The following UBAP1L variants were observed in gnomAD, a reference collection of about 807,000 sequenced individuals.
UBAP1L encodes the protein ubiquitin associated protein 1 like.
Under a neutral mutation model 32.1 loss-of-function variants are expected in UBAP1L, and 32 were observed. The ratio of observed to expected loss-of-function variants is 1.00; its 90% CI spans 0.75 to 1.34. UBAP1L has a LOEUF of 1.34. Ranked by LOEUF, UBAP1L falls within the 40% of genes most tolerant of loss-of-function variation. The pLI is 0.00. For synonymous variants in UBAP1L, 243 were observed against 250.2 expected (o/e 0.97, Z 0.27); for missense variants, 516 against 540.5 (o/e 0.95, Z 0.45).
At chr15:65,109,721 A>G (rs938727005) in intron 1 of UBAP1L, among the ~76,000 whole-genome samples, 2 of 152,214 alleles carry the variant, frequency 1.3e-5, no homozygotes, top group African/African-American at 4.8e-5. Flanking sequence ...AAGTTGTTTA[A>G]CTTCATTAGT....
At chr15:65,112,745 G>A (rs905678639) in intron 1 of UBAP1L, among the ~76,000 whole-genome samples, 5 of 152,050 alleles carry the variant, frequency 3.3e-5, no homozygotes, top group Admixed American at 6.5e-5. Flanking sequence ...CAAACTCAAC[G>A]TATCAAAGTG....
chr15:65,103,609 C>T (rs567184143), intron 2 of UBAP1L, among the ~76,000 whole-genome samples: 21 of 152,310 alleles, frequency 1.4e-4, no homozygotes, highest in African/African-American at 4.8e-4. Flanking sequence ...ATCACAGGCA[C>T]AGCTCCCTCT....
chr15:65,115,025 T>C (rs1368920726), intron 1 of UBAP1L, 125 bp downstream of exon 1: 6 of 152,212 alleles, frequency 3.9e-5, no homozygotes, highest in Admixed American at 3.9e-4. Flanking sequence ...AAAAAACAAA[T>C]TTAGTTGATA....
rs1595922251 is a variant in UBAP1L at position 65,105,920 on chromosome 15, A to G, written c.120+176T>C. ...ATTCTCATGCCTCCACCTTCCGAGT[A>G]GCTGGGATTACAGGCACGCGTCACC... On this transcript the variant is annotated intron_variant, in intron 2 of 5. Transcript: ENST00000559089. 12 of 853,390 alleles carry G rather than the reference A, an allele frequency of 1.4e-5. No homozygotes were observed. The East Asian group carries it at 3.2e-4, about 23-fold the overall frequency. The allele number at this position is 853,390 out of a possible 1,614,324, so 52.9% of individuals were successfully genotyped here.
rs1566967124 is a variant in UBAP1L, at chr15:65,102,614, T to C, written c.191A>G (p.Gln64Arg). ...TGACGCTGTCCCCGGGTCACCGCAC[T>C]GGTACGGGCTGGGTCCCTGGCCGGC... ...EAAGQGPSPY[Q>R]CGDPGTASAP... The change falls in exon 3 of 6, where the codon CAG (glutamine) becomes CGG (arginine). Residue 64 changes from glutamine to arginine, a missense_variant. Gln to Arg is a conservative substitution (Grantham distance 43). Transcript: ENST00000559089. This position sits in a 1 kb window ranked among gnomAD's most constrained non-coding sequence, Gnocchi z 5.0. 1 of 1,549,396 alleles carries C rather than the reference T, an allele frequency of 6.5e-7. No homozygotes were observed. Among genetic ancestry groups the C allele is most frequent in the Admixed American group, 2.0e-5 (1 of 50,976 alleles).
rs761937299 is a variant in UBAP1L at position 65,102,293 on chromosome 15, G to C, written c.512C>G (p.Pro171Arg). ...GCGGAGGCCATGCAGGAGGGCGCGG[G>C]GCCGGGAGACCAGCTTCCCCTCGGA... ...RLSEGKLVSR[P>R]RALLHGLRGH... The change falls in exon 3 of 6, where the codon CCC becomes CGC. Residue 171 changes from proline (P) to arginine (R), a missense_variant. Pro to Arg is a moderately radical substitution (Grantham distance 103). Transcript: ENST00000559089. The surrounding 1 kb of genome is among the most constrained non-coding windows in gnomAD (Gnocchi z 5.0). 3,538 of 1,407,004 alleles carry C rather than the reference G, an allele frequency of 2.5e-3. 11 individuals carry two copies. The highest frequency in any genetic ancestry group is 2.9e-3 in the Non-Finnish European group (3,199 of 1,088,398). 87.2% of individuals were successfully genotyped at this position (1,407,004 alleles called of 1,614,324 possible).
chr15:65,099,901 G>C, intron 3 of UBAP1L, 187 bp from the exon 4 acceptor site: 1 of 545,272 alleles, frequency 1.8e-6, no homozygotes, highest in East Asian at 3.0e-5. Context: ...TATGAAAAAT[G>C]AGGGCAATCC....
chr15:65,112,181 C>T (rs1366000845), intron 1 of UBAP1L, among the ~76,000 whole-genome samples: 5 of 152,068 alleles, frequency 3.3e-5, no homozygotes, highest in Non-Finnish European at 5.9e-5. Flanking sequence ...GAAAGAACAG[C>T]CTGTGAGCAA....
intron 4 of UBAP1L, 39 bp downstream of exon 4, chr15:65,099,466 C>T: frequency 6.5e-7 from 1 of 1,539,736 alleles, no homozygotes; most frequent in Non-Finnish European, 8.8e-7. Context: ...CACCTGGCTC[C>T]AGCATCACAG....
chr15:65,104,840 T>C, intron 2 of UBAP1L: 1 of 326,710 alleles, frequency 3.1e-6, no homozygotes, highest in African/African-American at 2.2e-5. Flanking sequence ...ACCCCATCTC[T>C]ACTAAAAATA....
chr15:65,105,208 C>T (rs1356381156), intron 2 of UBAP1L, among the ~76,000 whole-genome samples: 1 of 151,954 alleles, frequency 6.6e-6, no homozygotes, highest in African/African-American at 2.4e-5. Flanking sequence ...AGCACAGTGG[C>T]TCATGCTTGT....
chr15:65,104,252 G>C (rs567131612), intron 2 of UBAP1L, among the ~76,000 whole-genome samples: 1 of 150,904 alleles, frequency 6.6e-6, no homozygotes, highest in Non-Finnish European at 1.5e-5. Context: ...AGACTCTGTC[G>C]AAAGGAAGGG....
At chr15:65,106,697 G>A (rs1204314269) in intron 1 of UBAP1L, among the ~76,000 whole-genome samples, 5 of 143,578 alleles carry the variant, frequency 3.5e-5, no homozygotes, top group African/African-American at 7.8e-5. Context: ...CTGGAGTGCA[G>A]TAGCCTGATC....
intron 2 of UBAP1L, among the ~76,000 whole-genome samples, chr15:65,104,308 G>C (rs1407163215): frequency 6.7e-6 from 1 of 149,218 alleles, no homozygotes; most frequent in Non-Finnish European, 1.5e-5. Context: ...GAGCGAGACA[G>C]AGAGAGAGAG....
chr15:65,094,359 C>A lies in UBAP1L; in HGVS notation c.1011+116G>T. On this transcript the variant is annotated intron_variant, in intron 5 of 5. Transcript: ENST00000559089. The surrounding 1 kb of genome is among the most constrained non-coding windows in gnomAD (Gnocchi z 4.2). The stretch of plus-strand genomic sequence containing the variant: ...GGAGTCAGGCAATCTCCCGACAGAC[C>A]CACAGGCTGGACCCACAGACTGGCT... 1.4e-6 allele frequency: 1 copy of A among 696,374 alleles called. No individual in the cohort carries two copies. The highest frequency in any genetic ancestry group is 2.4e-6 in the Non-Finnish European group (1 of 422,300). The allele number at this position is 696,374 out of a possible 1,614,324, so 43.1% of individuals were successfully genotyped here.
intron 1 of UBAP1L, among the ~76,000 whole-genome samples, chr15:65,114,242 A>G (rs1479774411): frequency 6.6e-6 from 1 of 150,930 alleles, no homozygotes; most frequent in African/African-American, 2.4e-5. Flanking sequence ...GCATACACAT[A>G]TGTAAACTGA....
At chr15:65,098,667 A>G (rs2087205559) in intron 4 of UBAP1L, 1 of 152,182 alleles carries the variant, frequency 6.6e-6, no homozygotes, top group Admixed American at 6.5e-5. Context: ...GCTGACAAGT[A>G]TCACCACCCA....
At chr15:65,111,588 G>A (rs182309781) in intron 1 of UBAP1L, among the ~76,000 whole-genome samples, 23 of 152,214 alleles carry the variant, frequency 1.5e-4, no homozygotes, top group Middle Eastern at 6.8e-3. Context: ...AGGTTCAAGC[G>A]ATTCTCCTGT....
intron 1 of UBAP1L, among the ~76,000 whole-genome samples, chr15:65,111,181 T>G (rs2140571911): frequency 6.6e-6 from 1 of 152,206 alleles, no homozygotes; most frequent in East Asian, 1.9e-4. Context: ...CTGTAACCAG[T>G]AAATTATCTG....
Sources: allele counts gnomAD v4.1 joint callset (sites outside exome capture counted in the v4.1 genomes callset), GRCh38; gene constraint gnomAD v4.1.1; non-coding constraint Gnocchi (gnomAD v3.1); transcripts MANE v1.5; gene names NCBI Gene and HGNC (gene_info 2026-07-23, HGNC 2026-07-21).